NME1: variants seen among roughly 807,000 people sequenced by gnomAD.
The protein encoded by NME1 is NME/NM23 nucleoside diphosphate kinase 1, also known as nucleoside diphosphate kinase A.
A neutral mutation model predicts 17.2 loss-of-function variants in NME1; 9 were observed. That is an observed-to-expected ratio of 0.52 (90% CI 0.32 to 0.92). The LOEUF is 0.92. NME1 is among the 40% of genes least tolerant of loss of function. The pLI, the probability that NME1 is intolerant of heterozygous loss-of-function variation, is 0.04. For synonymous variants in NME1, 72 were observed against 70.8 expected (o/e 1.02, Z -0.09); for missense variants, 169 against 201.7 (o/e 0.84, Z 0.98).
At chr17:51,158,047 A>G (rs1374325433) in intron 2 of NME1, among the ~76,000 whole-genome samples, 2 of 152,216 alleles carry the variant, frequency 1.3e-5, no homozygotes, top group East Asian at 3.9e-4. Flanking sequence ...TGGGAGGTCA[A>G]GGTGGGTGGA....
intron 4 of NME1, 68 bp downstream of exon 4, chr17:51,161,340 G>A (rs980564124): frequency 2.9e-5 from 41 of 1,400,690 alleles, no homozygotes; most frequent in Non-Finnish European, 3.9e-5. Flanking sequence ...TTGGGTTTCC[G>A]AGGCTGGAGG....
rs1483837930 is a variant in NME1, at chr17:51,161,964, C to G, written c.*119C>G. 1.1e-5 allele frequency: 8 copies of G among 755,852 alleles called. No homozygotes were observed. The highest frequency in any genetic ancestry group is 5.9e-5 in the South Asian group (4 of 67,514). 46.8% of individuals were successfully genotyped at this position (755,852 alleles called of 1,614,324 possible). A position where few individuals can be genotyped will look rare whatever the true frequency, so the allele number is the denominator to read the frequency against. Reference sequence around the variant, plus strand: ...CTTCATCATAATTTGGAGGGAAGCTCTTGGAGCTGTGAGTTCTCCCTGTAC... The same window carrying G: ...CTTCATCATAATTTGGAGGGAAGCTGTTGGAGCTGTGAGTTCTCCCTGTAC... On this transcript the variant is annotated 3_prime_UTR_variant, in exon 5 of 5. Coordinates refer to ENST00000393196, the MANE Select transcript of NME1 (RefSeq NM_000269.3).
At chr17:51,155,578 A>C in intron 1 of NME1, 73 bp from the exon 2 acceptor site, 1 of 1,598,384 alleles carries the variant, frequency 6.3e-7, no homozygotes, top group Non-Finnish European at 8.5e-7. Flanking sequence ...TTATGGGATA[A>C]TCCGCTTGAG....
In NME1 at chr17:51,158,005, C is replaced by T. The variant is rs114769194; in HGVS notation, c.127-1975C>T. Reference sequence around the variant, plus strand: ...CTAAAGATAATCAGTTAGGGCCTGGCGTGGTGGCTCACACCTGTAATCCCA... The same window carrying T: ...CTAAAGATAATCAGTTAGGGCCTGGTGTGGTGGCTCACACCTGTAATCCCA... On this transcript the variant is annotated intron_variant, in intron 2 of 4. Coordinates refer to ENST00000393196, the MANE Select transcript of NME1 (RefSeq NM_000269.3). 5.2e-3 allele frequency among the ~76,000 whole-genome samples: 795 copies of T among 152,170 alleles called. 8 individuals are homozygous for T. Among genetic ancestry groups the T allele is most frequent in the African/African-American group, 0.018 (759 of 41,524 alleles).
At position 51,154,595 on chromosome 17, in the gene NME1, C is replaced by G. The variant is rs555512920; in HGVS notation, c.-5+933C>G. ...CCGTTTATTGGCTAGTCAAAATATT[C>G]TTTGCATTGTAAAGTGTAGCATAAC... On this transcript the variant is annotated intron_variant, in intron 1 of 4. Coordinates refer to ENST00000393196, the MANE Select transcript of NME1 (RefSeq NM_000269.3). 2.3e-5 allele frequency: 16 copies of G among 686,628 alleles called. 1 individual carries two copies. The highest frequency in any genetic ancestry group is 2.2e-4 in the South Asian group (13 of 57,910). The allele number at this position is 686,628 out of a possible 1,614,324, so 42.5% of individuals were successfully genotyped here. A position where few individuals can be genotyped will look rare whatever the true frequency, so the allele number is the denominator to read the frequency against.
intron 3 of NME1, 132 bp from the exon 4 acceptor site, chr17:51,161,028 A>G (rs1297541345): frequency 1.1e-5 from 10 of 922,316 alleles, no homozygotes; most frequent in Non-Finnish European, 1.6e-5. Flanking sequence ...GATATACTCT[A>G]TAAACATTTG....
At chr17:51,154,314 T>C (rs1169145975) in intron 1 of NME1, 2 of 1,514,434 alleles carry the variant, frequency 1.3e-6, no homozygotes, top group Non-Finnish European at 1.8e-6. Flanking sequence ...AAAATTGGAC[T>C]ACAGTGCTAA....
chr17:51,155,308 G>T (rs1405977991), intron 1 of NME1, among the ~76,000 whole-genome samples: 1 of 151,766 alleles, frequency 6.6e-6, no homozygotes, highest in Non-Finnish European at 1.5e-5. Flanking sequence ...CAGCACTTTG[G>T]TAGGCTGAGG....
Position 51,162,036 on chromosome 17 carries a change from T to C in NME1, c.*191T>C. ...CTGATTAAAATGCTTCCTCCCAGCA[T>C]AGGATTCATTGAGTTGGTTACTTCA... On this transcript the variant is annotated 3_prime_UTR_variant, in exon 5 of 5. Coordinates refer to ENST00000393196, the MANE Select transcript of NME1 (RefSeq NM_000269.3). 1.7e-6 allele frequency: 1 copy of C among 575,592 alleles called. No homozygotes were observed. The highest frequency in any genetic ancestry group is 3.1e-6 in the Non-Finnish European group (1 of 320,748). The allele number at this position is 575,592 out of a possible 1,614,324, so 35.7% of individuals were successfully genotyped here.
At chr17:51,154,407 C>T (rs376345325) in intron 1 of NME1, 1 of 1,614,014 alleles carries the variant, frequency 6.2e-7, no homozygotes, top group African/African-American at 1.3e-5. Context: ...GATCGTCTTT[C>T]AAGGCGAGGG....
Position 51,161,905 on chromosome 17 carries a change from AC to A in NME1, c.*62del. On this transcript the variant is annotated 3_prime_UTR_variant, in exon 5 of 5. Coordinates refer to ENST00000393196, the MANE Select transcript of NME1 (RefSeq NM_000269.3). The stretch of plus-strand genomic sequence containing the variant: ...TTCCCCTCCTTCCCATGGGCAGAGG[AC>A]CAGGCTGTAGGAAATCTAGTTATTT... The A allele has an allele frequency of 9.2e-7, 1 of 1,081,636 alleles. No homozygotes were observed. The highest frequency in any genetic ancestry group is 1.4e-6 in the Non-Finnish European group (1 of 697,382). The allele number at this position is 1,081,636 out of a possible 1,614,324, so 67.0% of individuals were successfully genotyped here.
At chr17:51,157,064 G>A (rs1403817123) in intron 2 of NME1, among the ~76,000 whole-genome samples, 1 of 151,872 alleles carries the variant, frequency 6.6e-6, no homozygotes. Context: ...TTTCTAAAAG[G>A]GAATCAATTT....
intron 1 of NME1, 82 bp from the exon 2 acceptor site, chr17:51,155,569 T>C (rs1241176602): frequency 6.3e-7 from 1 of 1,588,170 alleles, no homozygotes; most frequent in African/African-American, 1.3e-5. Flanking sequence ...AAACCAGCTT[T>C]ATGGGATAAT....
chr17:51,161,682 T>A, intron 4 of NME1, 46 bp from the exon 5 acceptor site: 1 of 1,417,758 alleles, frequency 7.1e-7, no homozygotes, highest in Non-Finnish European at 1.0e-6. Flanking sequence ...GGGCGCATTT[T>A]AATCCTTCTG....
chr17:51,155,197 G>C (rs542820221), intron 1 of NME1, among the ~76,000 whole-genome samples: 2 of 148,102 alleles, frequency 1.4e-5, no homozygotes, highest in African/African-American at 5.0e-5. Flanking sequence ...AGCCAAGGTC[G>C]CACCACTGCA....
chr17:51,158,633 C>T (rs911960042), intron 2 of NME1, among the ~76,000 whole-genome samples: 1 of 152,138 alleles, frequency 6.6e-6, no homozygotes, highest in Non-Finnish European at 1.5e-5. Context: ...TTTACTTTGG[C>T]AAGTGATGAT....
rs182308019 is a variant in NME1, at chr17:51,161,898, G to T, written c.*53G>T. 2 of 1,128,852 alleles carry T rather than the reference G, an allele frequency of 1.8e-6. No individual in the cohort carries two copies. Among genetic ancestry groups the T allele is most frequent in the East Asian group, 2.3e-5 (1 of 42,674 alleles). The allele number at this position is 1,128,852 out of a possible 1,614,324, so 69.9% of individuals were successfully genotyped here. A position where few individuals can be genotyped will look rare whatever the true frequency, so the allele number is the denominator to read the frequency against. On this transcript the variant is annotated 3_prime_UTR_variant, in exon 5 of 5. Coordinates refer to ENST00000393196, the MANE Select transcript of NME1 (RefSeq NM_000269.3). ...CATCCATTTCCCCTCCTTCCCATGG[G>T]CAGAGGACCAGGCTGTAGGAAATCT...
rs35964095 is a variant in NME1 at position 51,155,241 on chromosome 17, C to CA, written c.-4-393dup. ...TGGGCGAAAGAGCAAGACTCCATACCAAAAAAAAAAAAAAAAATCAAATGG... is the reference window on the plus strand; with the variant it reads ...TGGGCGAAAGAGCAAGACTCCATACCAAAAAAAAAAAAAAAAAATCAAATGG... On this transcript the variant is annotated intron_variant, in intron 1 of 4. Transcript: ENST00000393196. Among the ~76,000 whole-genome samples the CA allele has an allele frequency of 6.5e-3, 651 of 100,368 alleles. 3 individuals are homozygous for CA. The highest frequency in any genetic ancestry group is 8.9e-3 in the Admixed American group (81 of 9,128). The allele number at this position is 100,368 out of a possible 152,430, so 65.8% of individuals were successfully genotyped here. A position where few individuals can be genotyped will look rare whatever the true frequency, so the allele number is the denominator to read the frequency against.
At chr17:51,160,757 C>T (rs35523133) in intron 3 of NME1, among the ~76,000 whole-genome samples, 24,147 of 151,884 alleles carry the variant, frequency 0.16, 2,020 homozygotes, top group East Asian at 0.22. Context: ...CTACAGGCGC[C>T]CGCCACCACG....
Sources: allele counts gnomAD v4.1 joint callset (sites outside exome capture counted in the v4.1 genomes callset), GRCh38; gene constraint gnomAD v4.1.1; transcripts MANE v1.5; gene names NCBI Gene and HGNC (gene_info 2026-07-23, HGNC 2026-07-21).